The following SLC11A1 variants were observed in gnomAD, a reference collection of about 807,000 sequenced individuals.
SLC11A1 encodes natural resistance-associated macrophage protein 1.
In SLC11A1, 59 loss-of-function variants were observed where a neutral mutation model predicts 63.2. The observed-to-expected ratio is 0.93, with a 90% CI of 0.76 to 1.16. SLC11A1 has a LOEUF of 1.16. Ranked by LOEUF, SLC11A1 falls within the 50% of genes most tolerant of loss-of-function variation. The pLI is 0.00. For synonymous variants in SLC11A1, 305 were observed against 307.8 expected, an observed-to-expected ratio of 0.99 and a Z score of 0.09; for missense variants, 688 against 730.7, an observed-to-expected ratio of 0.94 and a Z score of 0.67.
Position 218,389,104 on chromosome 2 carries a change from A to AAATAATAATAATAATAAT in SLC11A1, c.796-756_796-739dup, listed in dbSNP as rs138562502. On this transcript the variant is annotated intron_variant, in intron 8 of 14. Transcript: ENST00000233202. ...TCAGTGACACAGTGAGACCCTGTCAAAATAATAATAATAATAATAATAATA... is the reference window on the plus strand; with the variant it reads ...TCAGTGACACAGTGAGACCCTGTCAAAATAATAATAATAATAATAATAATAATAATAATAATAATAATA... Among the ~76,000 whole-genome samples the AAATAATAATAATAATAAT allele has an allele frequency of 2.0e-3, 299 of 147,688 alleles. 1 individual carries two copies. The Middle Eastern group carries it at 0.021, about 11-fold the overall frequency.
intron 9 of SLC11A1, among the ~76,000 whole-genome samples, chr2:218,390,261 A>G (rs1696351133): frequency 6.6e-6 from 1 of 152,020 alleles, no homozygotes; most frequent in Non-Finnish European, 1.5e-5. Context: ...AGCTCTCTGC[A>G]GCTTAAATAG....
At chr2:218,393,234 G>T in intron 12 of SLC11A1, 104 bp downstream of exon 12, 1 of 1,203,470 alleles carries the variant, frequency 8.3e-7, no homozygotes, top group Non-Finnish European at 1.1e-6. Flanking sequence ...CCCTGTCCCA[G>T]GCACATCTTG....
intron 11 of SLC11A1, 28 bp from the exon 12 acceptor site, chr2:218,392,953 C>T (rs774936957): frequency 6.4e-7 from 1 of 1,563,536 alleles, no homozygotes; most frequent in South Asian, 1.2e-5. Context: ...CTGTCTACTC[C>T]TCACCAAGGA....
chr2:218,392,283 C>T (rs1294200847), intron 11 of SLC11A1: 4 of 203,382 alleles, frequency 2.0e-5, no homozygotes, highest in African/African-American at 7.2e-5. Context: ...AGGGTGGTCT[C>T]GAACTCCCAG....
At chr2:218,382,427 G>A (rs370343604) in intron 1 of SLC11A1, 52 bp downstream of exon 1, 13 of 1,605,058 alleles carry the variant, frequency 8.1e-6, no homozygotes, top group Non-Finnish European at 1.1e-5. Context: ...GAGTGGAGGA[G>A]ATCACTAGGC....
rs772176705 is a variant in SLC11A1, at chr2:218,385,191, C to A, written c.318C>A (p.Cys106Ter). ...GGGCCACCGTGTTGGGCTTGCTCTGCCAGCGACTGGCTGCACGTCTGGGCG... is the reference window on the plus strand; with the variant it reads ...GGGCCACCGTGTTGGGCTTGCTCTGACAGCGACTGGCTGCACGTCTGGGCG... The part of the protein sequence containing the change: ...LLWATVLGLL[C>*]QRLAARLGVV... Residue 106 changes from cysteine to a stop codon, truncating the protein, a stop_gained, in exon 4 of 15, where the codon TGC becomes TGA. Coordinates refer to ENST00000233202, the MANE Select transcript of SLC11A1 (RefSeq NM_000578.4). LOFTEE classifies it high-confidence loss of function. 3.7e-6 allele frequency: 6 copies of A among 1,613,910 alleles called. No individual in the cohort carries two copies. In the African/African-American group the frequency reaches 8.0e-5, roughly 22 times the overall value.
Position 218,384,185 on chromosome 2 carries a change from G to A in SLC11A1, c.151-58G>A. 2 of 1,507,844 alleles carry A rather than the reference G, an allele frequency of 1.3e-6. No homozygotes were observed. The highest frequency in any genetic ancestry group is 1.8e-6 in the Non-Finnish European group (2 of 1,115,402). The allele number at this position is 1,507,844 out of a possible 1,614,324, so 93.4% of individuals were successfully genotyped here. A position where few individuals can be genotyped will look rare whatever the true frequency, so the allele number is the denominator to read the frequency against. On this transcript the variant is annotated intron_variant, in intron 2 of 14. Transcript: ENST00000233202. This position sits in a 1 kb window ranked among gnomAD's most constrained non-coding sequence, Gnocchi z 4.0. The stretch of plus-strand genomic sequence containing the variant: ...CTCCTCTAGGGGATGGCCAAGGCCA[G>A]CTGCCACCATCCCTATACCCAGGAC...
chr2:218,393,117 T>C lies in SLC11A1; in HGVS notation c.1301T>C (p.Leu434Pro), dbSNP rs1303379328. ...LSGLNDLLNV[L>P]QSLLLPFAVL... ...GGCCTCAATGATCTGCTCAACGTGC[T>C]GCAGAGCCTGCTGGTGAGATGCGCC... is the stretch of plus-strand genomic sequence containing the variant. Residue 434 changes from leucine (L) to proline (P), a missense_variant, in exon 12 of 15, where the codon CTG (leucine) becomes CCG (proline). Physicochemically the swap from Leu to Pro is moderately conservative, Grantham distance 98. Coordinates refer to ENST00000233202, the MANE Select transcript of SLC11A1 (RefSeq NM_000578.4). 1.9e-6 allele frequency: 3 copies of C among 1,577,664 alleles called. No individual in the cohort carries two copies. Among genetic ancestry groups the C allele is most frequent in the Non-Finnish European group, 2.6e-6 (3 of 1,167,736 alleles).
At chr2:218,393,151 C>A in intron 12 of SLC11A1, 21 bp downstream of exon 12, 1 of 1,532,130 alleles carries the variant, frequency 6.5e-7, no homozygotes, top group African/African-American at 1.4e-5. Context: ...CCAACCCCAC[C>A]AGCCCTGCCC....
At position 218,384,464 on chromosome 2, in the gene SLC11A1, G is replaced by A. The variant is rs939065125; in HGVS notation, c.273+99G>A. Reference sequence around the variant, plus strand: ...TGGCCATGTTTCTCCAATGTGGCCTGGGAGCTGGTGTTAAGTTCAAATGGG... The same window carrying A: ...TGGCCATGTTTCTCCAATGTGGCCTAGGAGCTGGTGTTAAGTTCAAATGGG... On this transcript the variant is annotated intron_variant, in intron 3 of 14. Transcript: ENST00000233202. The surrounding 1 kb of genome is among the most constrained non-coding windows in gnomAD (Gnocchi z 4.0). 12 of 1,432,734 alleles carry A rather than the reference G, an allele frequency of 8.4e-6. No homozygotes were observed. In the African/African-American group the frequency reaches 1.6e-4, roughly 19 times the overall value. The allele number at this position is 1,432,734 out of a possible 1,614,324, so 88.8% of individuals were successfully genotyped here.
At chr2:218,386,946 A>T (rs1236657143) in intron 5 of SLC11A1, 2 of 646,850 alleles carry the variant, frequency 3.1e-6, no homozygotes, top group African/African-American at 3.7e-5. Flanking sequence ...CTGCAGCCCC[A>T]AACTCCCTGC....
chr2:218,383,235 A>G, intron 2 of SLC11A1, 133 bp downstream of exon 2: 1 of 960,210 alleles, frequency 1.0e-6, no homozygotes, highest in Non-Finnish European at 1.5e-6. Context: ...AGTGGTGGAC[A>G]GTGGCAACTG....
At position 218,394,246 on chromosome 2, in the gene SLC11A1, C is replaced by T. The variant is rs374143336; in HGVS notation, c.1388+53C>T. Reference sequence around the variant, plus strand: ...ATTGCATCACCACATTTCATCCTCACAGCCACCCAGAGGTACGAGCTACAA... The same window carrying T: ...ATTGCATCACCACATTTCATCCTCATAGCCACCCAGAGGTACGAGCTACAA... On this transcript the variant is annotated intron_variant, in intron 13 of 14. Coordinates refer to ENST00000233202, the MANE Select transcript of SLC11A1 (RefSeq NM_000578.4). The T allele has an allele frequency of 1.8e-5, 28 of 1,539,064 alleles. No homozygotes were observed. The Middle Eastern group carries it at 2.5e-3, about 139-fold the overall frequency.
chr2:218,391,730 C>T (rs762685522), intron 11 of SLC11A1: 1 of 470,686 alleles, frequency 2.1e-6, no homozygotes, highest in Non-Finnish European at 3.8e-6. Flanking sequence ...GTTCAAGCTT[C>T]TCCTGCTTCA....
chr2:218,391,526 G>C, intron 11 of SLC11A1, 31 bp downstream of exon 11: 4 of 1,556,958 alleles, frequency 2.6e-6, no homozygotes, highest in Non-Finnish European at 3.5e-6. Flanking sequence ...AGGAGGGCAA[G>C]GGGTCCAAGG....
chr2:218,384,043 TC>T lies in SLC11A1; in HGVS notation c.151-198del, dbSNP rs1165853254. 3 of 415,906 alleles carry T rather than the reference TC, an allele frequency of 7.2e-6. No individual in the cohort carries two copies. Among genetic ancestry groups the T allele is most frequent in the Non-Finnish European group, 1.3e-5 (3 of 237,908 alleles). 25.8% of individuals were successfully genotyped at this position (415,906 alleles called of 1,614,324 possible). A position where few individuals can be genotyped will look rare whatever the true frequency, so the allele number is the denominator to read the frequency against. On this transcript the variant is annotated intron_variant, in intron 2 of 14. Transcript: ENST00000233202. The surrounding 1 kb of genome is among the most constrained non-coding windows in gnomAD (Gnocchi z 4.0). ...TGAGCTTAACAGATCCAGAAAAAGA[TC>T]CTCTGTGACTCATCAGAGCATGCTG...
intron 9 of SLC11A1, among the ~76,000 whole-genome samples, chr2:218,390,912 T>C (rs887176930): frequency 1.3e-5 from 2 of 151,926 alleles, no homozygotes; most frequent in African/African-American, 4.8e-5. Flanking sequence ...CCGGGTGCGG[T>C]GGCTCACGCC....
chr2:218,384,888 A>T lies in SLC11A1; in HGVS notation c.274-259A>T. ...AGGTGTGAGCCACCTTGCCTGGCGT[A>T]ATTTATTTATTTATTTAGAGATGGG... On this transcript the variant is annotated intron_variant, in intron 3 of 14. Coordinates refer to ENST00000233202, the MANE Select transcript of SLC11A1 (RefSeq NM_000578.4). This position sits in a 1 kb window ranked among gnomAD's most constrained non-coding sequence, Gnocchi z 4.0. 2.5e-6 allele frequency: 1 copy of T among 401,346 alleles called. No homozygotes were observed. The highest frequency in any genetic ancestry group is 4.7e-6 in the Non-Finnish European group (1 of 214,104). 24.9% of individuals were successfully genotyped at this position (401,346 alleles called of 1,614,324 possible).
Sources: allele counts gnomAD v4.1 joint callset (sites outside exome capture counted in the v4.1 genomes callset), GRCh38; gene constraint gnomAD v4.1.1; non-coding constraint Gnocchi (gnomAD v3.1); transcripts MANE v1.5; gene names NCBI Gene and HGNC (gene_info 2026-07-23, HGNC 2026-07-21).